The following HDAC9 variants were observed in gnomAD, a reference collection of about 807,000 sequenced individuals.
HDAC9 encodes the protein histone deacetylase 9.
In HDAC9, 41 loss-of-function variants were observed where a neutral mutation model predicts 139.4. The observed-to-expected ratio is 0.29, with a 90% CI of 0.23 to 0.38. The LOEUF (loss-of-function observed/expected upper bound fraction) is 0.38. HDAC9 is among the 10% of genes least tolerant of loss of function. HDAC9 has a pLI of 1.00. For synonymous variants in HDAC9, 517 were observed against 476.2 expected (o/e 1.09, Z -1.12); for missense variants, 1,147 against 1,297.0 (o/e 0.88, Z 1.78).
chr7:18,697,242 C>T (rs1783121021), intron 12 of HDAC9, among the ~76,000 whole-genome samples: 1 of 152,120 alleles, frequency 6.6e-6, no homozygotes, highest in Non-Finnish European at 1.5e-5. Context: ...TGACGAGGCC[C>T]AGCCTATGGG....
intron 22 of HDAC9, among the ~76,000 whole-genome samples, chr7:18,884,089 G>C (rs1799941801): frequency 6.6e-6 from 1 of 152,138 alleles, no homozygotes; most frequent in Admixed American, 6.5e-5. Flanking sequence ...TCCTAAATTG[G>C]AAGAATGAAC....
At chr7:18,431,408 A>AT (rs1377276336) in intron 1 of HDAC9, among the ~76,000 whole-genome samples, 1 of 152,220 alleles carries the variant, frequency 6.6e-6, no homozygotes, top group Non-Finnish European at 1.5e-5. Context: ...GCCATAATGT[A>AT]GTCACATCAT....
At chr7:18,639,019 C>T (rs969597364) in intron 8 of HDAC9, among the ~76,000 whole-genome samples, 23 of 152,142 alleles carry the variant, frequency 1.5e-4, no homozygotes, top group Non-Finnish European at 2.2e-4. Context: ...GCTATTTTAA[C>T]GGTAGCCAAG....
chr7:18,291,795 C>T (rs761595211), intron 1 of HDAC9, among the ~76,000 whole-genome samples: 16 of 152,082 alleles, frequency 1.1e-4, no homozygotes, highest in Non-Finnish European at 1.3e-4. Flanking sequence ...TCTTGCCCAC[C>T]CTCTCACTTT....
At chr7:18,397,268 A>G (rs538130986) in intron 1 of HDAC9, among the ~76,000 whole-genome samples, 19 of 152,286 alleles carry the variant, frequency 1.2e-4, no homozygotes, top group East Asian at 5.8e-4. Context: ...GGAAATTGAC[A>G]TTGACATATT....
intron 8 of HDAC9, among the ~76,000 whole-genome samples, chr7:18,641,220 ATAT>A (rs1785498932): frequency 6.6e-6 from 1 of 152,112 alleles, no homozygotes; most frequent in African/African-American, 2.4e-5. Flanking sequence ...TGAATTACAA[ATAT>A]TATTTATGAG....
chr7:18,108,998 C>T (rs200356073), intron 1 of HDAC9, among the ~76,000 whole-genome samples: 4 of 152,158 alleles, frequency 2.6e-5, no homozygotes, highest in East Asian at 1.9e-4. Context: ...GGCCTCTCTG[C>T]GAAACATGTA....
chr7:18,781,004 T>C (rs955056890), intron 16 of HDAC9, among the ~76,000 whole-genome samples: 1 of 152,022 alleles, frequency 6.6e-6, no homozygotes, highest in African/African-American at 2.4e-5. Flanking sequence ...AGCCTAGAAG[T>C]TCAATATCAA....
chr7:18,707,763 G>A (rs994499490), intron 12 of HDAC9, among the ~76,000 whole-genome samples: 2 of 152,098 alleles, frequency 1.3e-5, no homozygotes, highest in Non-Finnish European at 2.9e-5. Flanking sequence ...TTTAAAATGA[G>A]AAGAAAACTT....
rs985267441 is a variant in HDAC9, at chr7:18,257,114, ATGTATGTG to A, written c.25+94769_25+94776del. On this transcript the variant is annotated intron_variant, in intron 2 of 12. Transcript: ENST00000417496. ...AAATTGTGTATGTGTGTGTGTGTGC[ATGTATGTG>A]TGTGTGTGTGTGTGTGTGTGTGTAT... 4.1e-4 allele frequency among the ~76,000 whole-genome samples: 31 copies of A among 76,040 alleles called. No homozygotes were observed. In the South Asian group the frequency reaches 0.016, roughly 38 times the overall value. 49.9% of individuals were successfully genotyped at this position (76,040 alleles called of 152,430 possible).
intron 25 of HDAC9, among the ~76,000 whole-genome samples, chr7:18,983,406 G>C (rs1012636716): frequency 6.6e-6 from 1 of 152,136 alleles, no homozygotes; most frequent in African/African-American, 2.4e-5. Context: ...ATGCTGCTGT[G>C]AACATGGATG....
intron 17 of HDAC9, among the ~76,000 whole-genome samples, chr7:18,798,899 G>A (rs886251300): frequency 6.6e-6 from 1 of 152,100 alleles, no homozygotes; most frequent in African/African-American, 2.4e-5. Context: ...TGCATACTCA[G>A]ATTTGTGTTC....
At chr7:18,830,222 G>GATCTGGAA (rs1795760731) in intron 19 of HDAC9, among the ~76,000 whole-genome samples, 1 of 152,310 alleles carries the variant, frequency 6.6e-6, no homozygotes, top group South Asian at 2.1e-4. Flanking sequence ...GAGATCTGGA[G>GATCTGGAA]ATCTGCCCCA....
chr7:18,886,191 T>A (rs1195345561), intron 22 of HDAC9, among the ~76,000 whole-genome samples: 1 of 152,250 alleles, frequency 6.6e-6, no homozygotes, highest in Non-Finnish European at 1.5e-5. Flanking sequence ...CTTGCTCAAT[T>A]GCCTATTTCC....
chr7:18,541,227 C>T (rs1242017665), intron 2 of HDAC9, among the ~76,000 whole-genome samples: 1 of 131,254 alleles, frequency 7.6e-6, no homozygotes, highest in Non-Finnish European at 1.6e-5. Context: ...TAGCCTTTGC[C>T]ATGCCTTCCA....
intron 1 of HDAC9, among the ~76,000 whole-genome samples, chr7:18,148,663 T>G (rs1786529026): frequency 6.6e-6 from 1 of 152,162 alleles, no homozygotes; most frequent in African/African-American, 2.4e-5. Flanking sequence ...TTTCACCATG[T>G]TGGCCAGGCT....
intron 1 of HDAC9, among the ~76,000 whole-genome samples, chr7:18,294,640 A>G (rs1021377608): frequency 6.6e-6 from 1 of 152,294 alleles, no homozygotes; most frequent in Admixed American, 6.5e-5. Flanking sequence ...TGCTGGGCCT[A>G]GTAGGTCATG....
intron 1 of HDAC9, among the ~76,000 whole-genome samples, chr7:18,416,893 TTTCTC>T (rs1789120218): frequency 1.3e-5 from 2 of 152,328 alleles, no homozygotes; most frequent in Admixed American, 6.5e-5. Flanking sequence ...TGTAAAATAA[TTTCTC>T]TTCAGTTTTG....
At chr7:18,414,520 G>A (rs1303053444) in intron 1 of HDAC9, among the ~76,000 whole-genome samples, 3 of 151,764 alleles carry the variant, frequency 2.0e-5, no homozygotes, top group East Asian at 1.9e-4. Flanking sequence ...ATTCAGTAAC[G>A]TAAGTATTTA....
Sources: allele counts gnomAD v4.1 joint callset (sites outside exome capture counted in the v4.1 genomes callset), GRCh38; gene constraint gnomAD v4.1.1; transcripts MANE v1.5; gene names NCBI Gene and HGNC (gene_info 2026-07-23, HGNC 2026-07-21).